EPB41L4A: variants seen among roughly 807,000 people sequenced by gnomAD.
EPB41L4A encodes the protein band 4.1-like protein 4A.
EPB41L4A carries 100 observed loss-of-function variants against 108.6 expected under a neutral mutation model. The observed-to-expected ratio is 0.92, with a 90% confidence interval of 0.78 to 1.09. EPB41L4A has a LOEUF of 1.09. EPB41L4A is among the 50% of genes least tolerant of loss of function. The pLI, the probability that EPB41L4A is intolerant of heterozygous loss-of-function variation, is 0.00. For synonymous variants in EPB41L4A, 319 were observed against 289.0 expected (o/e 1.10, Z -1.05); for missense variants, 1,030 against 842.7 (o/e 1.22, Z -2.75).
chr5:112,175,769 T>C (rs1035692490), intron 18 of EPB41L4A, among the ~76,000 whole-genome samples: 1 of 152,094 alleles, frequency 6.6e-6, no homozygotes, highest in Non-Finnish European at 1.5e-5. Flanking sequence ...ATAATTTTGA[T>C]TGCTTTCCTT....
intron 1 of EPB41L4A, among the ~76,000 whole-genome samples, chr5:112,415,990 G>C (rs1762697463): frequency 6.6e-6 from 1 of 151,350 alleles, no homozygotes; most frequent in Admixed American, 6.6e-5. Flanking sequence ...TTTTTTAACA[G>C]AAAATTATTT....
Position 112,377,536 on chromosome 5 carries a change from C to T in EPB41L4A, c.99+41405G>A, listed in dbSNP as rs115888361. On this transcript the variant is annotated intron_variant, in intron 1 of 22. Coordinates refer to ENST00000261486, the MANE Select transcript of EPB41L4A (RefSeq NM_022140.5). ...CAGATTTTCATTTACTGGCCATTTT[C>T]AGCTCTACCATTTCATCCATGATTC... Among the ~76,000 whole-genome samples the T allele has an allele frequency of 7.4e-3, 1,126 of 152,284 alleles. 5 individuals are homozygous for T. The highest frequency in any genetic ancestry group is 0.012 in the Non-Finnish European group (817 of 68,026).
chr5:112,314,749 C>T (rs368976592), intron 1 of EPB41L4A, among the ~76,000 whole-genome samples: 6 of 151,488 alleles, frequency 4.0e-5, no homozygotes, highest in South Asian at 2.1e-4. Flanking sequence ...GCCGAGACTG[C>T]GATACTGCAC....
chr5:112,315,958 C>T (rs183915943), intron 1 of EPB41L4A, among the ~76,000 whole-genome samples: 126 of 152,264 alleles, frequency 8.3e-4, no homozygotes, highest in Non-Finnish European at 1.5e-3. Flanking sequence ...GAGTAAATGC[C>T]TATTACATAT....
intron 1 of EPB41L4A, among the ~76,000 whole-genome samples, chr5:112,351,567 C>CTTT (rs1561597140): frequency 3.9e-5 from 6 of 152,124 alleles, no homozygotes; most frequent in African/African-American, 1.4e-4. Flanking sequence ...AATTCTAAAA[C>CTTT]TATTTCAAAA....
At chr5:112,288,318 A>G (rs1753416749) in intron 2 of EPB41L4A, among the ~76,000 whole-genome samples, 1 of 152,208 alleles carries the variant, frequency 6.6e-6, no homozygotes, top group Non-Finnish European at 1.5e-5. Flanking sequence ...GAAATCCACA[A>G]AAACTTTTAG....
chr5:112,396,556 C>A (rs1761364053), intron 1 of EPB41L4A, among the ~76,000 whole-genome samples: 1 of 152,208 alleles, frequency 6.6e-6, no homozygotes, highest in Admixed American at 6.5e-5. Context: ...GGTTCTGGCC[C>A]ATGGTCTCTT....
chr5:112,148,241 G>T (rs1296822476), intron 12 of EPB41L4A, among the ~76,000 whole-genome samples: 1 of 147,776 alleles, frequency 6.8e-6, no homozygotes, highest in East Asian at 1.9e-4. Context: ...CTATACAAAA[G>T]TAGTTTCCAT....
Position 112,266,237 on chromosome 5 carries a change from G to T in EPB41L4A, c.429C>A (p.Ile143=), listed in dbSNP as rs1751845509. ...ATATGCTTAAGTGGCACCTACACTG[G>T]ATGGCATACGCTCCCAGCTGAGCAG... is the stretch of plus-strand genomic sequence containing the variant. ...NTAAQLGAYA[I]QSELGDYDPY... is the part of the protein sequence containing the mutation. The change falls in exon 5 of 23, where the codon ATC becomes ATA. Residue 143 remains isoleucine (I), a synonymous_variant. Coordinates refer to ENST00000261486, the MANE Select transcript of EPB41L4A (RefSeq NM_022140.5). 3.1e-6 allele frequency: 5 copies of T among 1,604,806 alleles called. No homozygotes were observed. The highest frequency in any genetic ancestry group is 4.3e-6 in the Non-Finnish European group (5 of 1,176,324).
intron 1 of EPB41L4A, among the ~76,000 whole-genome samples, chr5:112,313,553 T>C (rs1370094098): frequency 6.6e-6 from 1 of 152,176 alleles, no homozygotes; most frequent in Non-Finnish European, 1.5e-5. Context: ...ATCATGCCAT[T>C]GCACTGCAGC....
intron 2 of EPB41L4A, among the ~76,000 whole-genome samples, chr5:112,280,818 C>T (rs1380403550): frequency 2.0e-5 from 3 of 152,142 alleles, no homozygotes; most frequent in Non-Finnish European, 4.4e-5. Flanking sequence ...AAAATGTCCT[C>T]CAAGTCTCTT....
At chr5:112,243,292 T>TATATCTATGTATATATACACACACACACA (rs1561504555) in intron 9 of EPB41L4A, among the ~76,000 whole-genome samples, 2 of 147,260 alleles carry the variant, frequency 1.4e-5, no homozygotes, top group African/African-American at 5.0e-5. Flanking sequence ...TATATATATA[T>TATATCTATGTATATATACACACACACACA]TTTGTTTGTT....
At chr5:112,352,217 G>A (rs1033589168) in intron 1 of EPB41L4A, among the ~76,000 whole-genome samples, 1 of 152,122 alleles carries the variant, frequency 6.6e-6, no homozygotes, top group African/African-American at 2.4e-5. Flanking sequence ...TACATCATTA[G>A]GTTATATGAA....
chr5:112,385,755 AT>A (rs948554057), intron 1 of EPB41L4A, among the ~76,000 whole-genome samples: 11 of 152,046 alleles, frequency 7.2e-5, no homozygotes, highest in African/African-American at 2.2e-4. Context: ...TCCCCAATAT[AT>A]TTTTTTACAT....
chr5:112,168,095 T>A (rs1760361459), intron 22 of EPB41L4A, among the ~76,000 whole-genome samples: 1 of 152,206 alleles, frequency 6.6e-6, no homozygotes, highest in African/African-American at 2.4e-5. Flanking sequence ...TATAAATCCA[T>A]CTAACTGTCT....
At chr5:112,188,438 T>C (rs1761529895) in intron 17 of EPB41L4A, among the ~76,000 whole-genome samples, 1 of 152,172 alleles carries the variant, frequency 6.6e-6, no homozygotes, top group African/African-American at 2.4e-5. Flanking sequence ...GCAATTTCCC[T>C]TTCAAACTCT....
intron 18 of EPB41L4A, 98 bp downstream of exon 18, chr5:112,183,918 A>G: frequency 7.3e-7 from 1 of 1,373,344 alleles, no homozygotes; most frequent in Middle Eastern, 1.9e-4. Context: ...ACAATGAAAT[A>G]ATCCTAGTTG....
At chr5:112,352,970 T>C (rs963477556) in intron 1 of EPB41L4A, among the ~76,000 whole-genome samples, 1 of 152,204 alleles carries the variant, frequency 6.6e-6, no homozygotes, top group Non-Finnish European at 1.5e-5. Flanking sequence ...TTGGCTTTCA[T>C]AGGGAAGGCT....
intron 9 of EPB41L4A, chr5:112,250,503 T>G (rs892087836): frequency 6.6e-6 from 1 of 152,192 alleles, no homozygotes; most frequent in Admixed American, 6.5e-5. Flanking sequence ...TAATGATAAC[T>G]AACTTTTATT....
Sources: gnomAD v4.1 joint callset for allele counts (sites outside exome capture counted in the v4.1 genomes callset) on GRCh38, gnomAD v4.1.1 for gene constraint, MANE v1.5 for transcripts, NCBI Gene and HGNC (gene_info 2026-07-23, HGNC 2026-07-21) for gene names.